Variants in LRP4 observed in about 807,000 individuals in gnomAD.
LRP4 encodes the protein low-density lipoprotein receptor-related protein 4.
Under a neutral mutation model 220.3 loss-of-function variants are expected in LRP4, and 95 were observed. That is an observed-to-expected ratio of 0.43 (90% CI 0.37 to 0.51). The LOEUF is 0.51. LRP4 is among the 20% of genes least tolerant of loss of function. The probability of loss-of-function intolerance (pLI) is 0.00; values close to 1 mark genes in which losing one functional copy is unlikely to be tolerated. For missense variants in LRP4, 1,925 were observed against 2,567.0 expected (o/e 0.75, Z 5.40); for synonymous variants, 903 against 954.6 (o/e 0.95, Z 1.00).
intron 8 of LRP4, 112 bp from the exon 9 acceptor site, chr11:46,896,447 G>A: frequency 7.3e-7 from 1 of 1,368,058 alleles, no homozygotes. Context: ...AAGGTGGGAG[G>A]GTGAGGGTCC....
Position 46,877,161 on chromosome 11 carries a change from G to A in LRP4, c.3277+38C>T, listed in dbSNP as rs756308941. The A allele has an allele frequency of 4.3e-6, 7 of 1,611,170 alleles. No homozygotes were observed. The South Asian group carries it at 7.7e-5, about 18-fold the overall frequency. On this transcript the variant is annotated intron_variant, in intron 23 of 37. Coordinates refer to ENST00000378623, the MANE Select transcript of LRP4 (RefSeq NM_002334.4). ...AAAGACAGTAATTGTTGAAGGGCAG[G>A]GACAGAAGGCCAGGTGGGAAGAGAG...
Position 46,868,721 on chromosome 11 carries a change from C to T in LRP4, c.4838-8G>A, listed in dbSNP as rs1458563952. The T allele has an allele frequency of 5.7e-6, 9 of 1,585,062 alleles. No homozygotes were observed. The highest frequency in any genetic ancestry group is 7.8e-6 in the Non-Finnish European group (9 of 1,153,596). On this transcript the variant is annotated splice_polypyrimidine_tract_variant and splice_region_variant and intron_variant, in intron 32 of 37. Transcript: ENST00000378623. ...CACCACAGGCATTGGTCCCTGGAGGCAAAGTAGATGAATGTCTTATCTGGG... is the reference window on the plus strand; with the variant it reads ...CACCACAGGCATTGGTCCCTGGAGGTAAAGTAGATGAATGTCTTATCTGGG...
intron 16 of LRP4, among the ~76,000 whole-genome samples, chr11:46,887,269 G>A (rs190942393): frequency 2.0e-5 from 3 of 152,304 alleles, no homozygotes; most frequent in Admixed American, 1.3e-4. Context: ...ATCCAGAAAG[G>A]CACTTCCTGA....
chr11:46,865,026 C>G, intron 35 of LRP4, 93 bp downstream of exon 35: 1 of 1,085,184 alleles, frequency 9.2e-7, no homozygotes, highest in Non-Finnish European at 1.4e-6. Flanking sequence ...GTTCATCAAC[C>G]CCAGAGTCCC....
intron 31 of LRP4, among the ~76,000 whole-genome samples, chr11:46,869,441 G>GTGT (rs2134778994): frequency 6.6e-6 from 1 of 152,322 alleles, no homozygotes; most frequent in South Asian, 2.1e-4. Flanking sequence ...GGACAAGAAT[G>GTGT]TGTTCTATTC....
intron 1 of LRP4, among the ~76,000 whole-genome samples, chr11:46,906,858 T>G (rs1941768294): frequency 6.6e-6 from 1 of 152,166 alleles, no homozygotes; most frequent in Non-Finnish European, 1.5e-5. Flanking sequence ...GGCCTCGACT[T>G]CCTGCATGTC....
At chr11:46,896,040 T>G in intron 9 of LRP4, 22 bp from the exon 10 acceptor site, 1 of 1,614,022 alleles carries the variant, frequency 6.2e-7, no homozygotes, top group South Asian at 1.1e-5. Flanking sequence ...AAGCCAGAGT[T>G]GGGAGTTGAG....
chr11:46,906,926 C>G (rs556551107), intron 1 of LRP4, among the ~76,000 whole-genome samples: 1 of 152,204 alleles, frequency 6.6e-6, no homozygotes, highest in Admixed American at 6.5e-5. Context: ...GTCAGGCAAA[C>G]GCTTGACTTG....
At chr11:46,866,262 A>G (rs1357810075) in intron 34 of LRP4, among the ~76,000 whole-genome samples, 3 of 150,834 alleles carry the variant, frequency 2.0e-5, no homozygotes, top group African/African-American at 4.9e-5. Flanking sequence ...GTATTTCCAG[A>G]TTATTTATTT....
intron 18 of LRP4, among the ~76,000 whole-genome samples, chr11:46,884,721 A>C (rs1941244287): frequency 8.4e-6 from 1 of 118,982 alleles, no homozygotes; most frequent in Non-Finnish European, 1.6e-5. Context: ...TGGGGGACAG[A>C]GTGAGACTCC....
At chr11:46,900,017 G>A (rs1242710113) in intron 3 of LRP4, 41 bp from the exon 4 acceptor site, 1 of 1,494,544 alleles carries the variant, frequency 6.7e-7, no homozygotes, top group Non-Finnish European at 9.3e-7. Flanking sequence ...GGCAGTGGGG[G>A]TCTGGTGCCT....
rs2134838867 is a variant in LRP4, at chr11:46,890,272, C to T, written c.1915+5G>A. 6.2e-7 allele frequency: 1 copy of T among 1,613,888 alleles called. No homozygotes were observed. Among genetic ancestry groups the T allele is most frequent in the Non-Finnish European group, 8.5e-7 (1 of 1,179,814 alleles). ...AGATGAAGGAGACTGAAGGAAGGGG[C>T]TCACCCTGGCTAATGACAGCCTTAC... On this transcript the variant is annotated splice_donor_5th_base_variant and intron_variant, in intron 14 of 37. Transcript: ENST00000378623. The surrounding 1 kb of genome is among the most constrained non-coding windows in gnomAD (Gnocchi z 5.3).
chr11:46,884,532 C>T (rs574864829), intron 18 of LRP4, among the ~76,000 whole-genome samples: 4 of 151,886 alleles, frequency 2.6e-5, no homozygotes, highest in Admixed American at 6.6e-5. Flanking sequence ...ATTAGGAGAT[C>T]GAGACCATCC....
At position 46,861,872 on chromosome 11, in the gene LRP4, C is replaced by T. The variant is rs1292274386; in HGVS notation, c.5385+734G>A. 3.9e-5 allele frequency among the ~76,000 whole-genome samples: 6 copies of T among 152,004 alleles called. No homozygotes were observed. The East Asian group carries it at 1.2e-3, about 29-fold the overall frequency. On this transcript the variant is annotated intron_variant, in intron 37 of 37. Coordinates refer to ENST00000378623, the MANE Select transcript of LRP4 (RefSeq NM_002334.4). ...TCACCTGAGGTCAGGAGTTCAAGAC[C>T]AGCCTGGTCAACATGGAGAAACCCT... is the stretch of plus-strand genomic sequence containing the variant.
intron 10 of LRP4, 91 bp downstream of exon 10, chr11:46,895,793 G>A (rs776087183): frequency 1.2e-4 from 192 of 1,561,892 alleles, no homozygotes; most frequent in Non-Finnish European, 1.6e-4. Context: ...AGGTCACACC[G>A]TTCAAATGCC....
chr11:46,894,540 TG>T, intron 12 of LRP4, 48 bp downstream of exon 12: 1 of 1,424,412 alleles, frequency 7.0e-7, no homozygotes, highest in Non-Finnish European at 9.7e-7. Context: ...CCACCGTTGC[TG>T]CGCATGTGGC....
chr11:46,911,291 A>G (rs1319738267), intron 1 of LRP4, among the ~76,000 whole-genome samples: 1 of 152,120 alleles, frequency 6.6e-6, no homozygotes, highest in East Asian at 1.9e-4. Context: ...TCAAAATTCT[A>G]CCTGCCCTAC....
At chr11:46,902,378 G>T (rs1053862582) in intron 2 of LRP4, among the ~76,000 whole-genome samples, 3 of 143,010 alleles carry the variant, frequency 2.1e-5, no homozygotes, top group Non-Finnish European at 4.5e-5. Flanking sequence ...AAAAAAAAAA[G>T]GTTTTATTGT....
chr11:46,870,023 T>C (rs1455871118), intron 31 of LRP4, among the ~76,000 whole-genome samples: 1 of 152,014 alleles, frequency 6.6e-6, no homozygotes, highest in Non-Finnish European at 1.5e-5. Flanking sequence ...GGAGAGTCAC[T>C]TGAACCCAGG....
Sources: allele counts gnomAD v4.1 joint callset (sites outside exome capture counted in the v4.1 genomes callset), GRCh38; gene constraint gnomAD v4.1.1; non-coding constraint Gnocchi (gnomAD v3.1); transcripts MANE v1.5; gene names NCBI Gene and HGNC (gene_info 2026-07-23, HGNC 2026-07-21).